The following DNAJC21 variants were observed in gnomAD, a reference collection of about 807,000 sequenced individuals.
DNAJC21 encodes the protein dnaJ homolog subfamily C member 21.
A neutral mutation model predicts 72.4 loss-of-function variants in DNAJC21; 63 were observed. That is an observed-to-expected ratio of 0.87 (90% CI 0.71 to 1.07). The LOEUF is 1.07. DNAJC21 is among the 50% of genes least tolerant of loss of function. The pLI is 0.00. For missense variants in DNAJC21, 634 were observed against 644.8 expected, an observed-to-expected ratio of 0.98 and a Z score of 0.18; for synonymous variants, 203 against 216.7, an observed-to-expected ratio of 0.94 and a Z score of 0.56.
chr5:34,951,757 C>G (rs976728400), intron 10 of DNAJC21: 12 of 964,226 alleles, frequency 1.2e-5, no homozygotes, highest in Admixed American at 6.2e-5. Flanking sequence ...AACTCCTGAC[C>G]TCATGATCTG....
chr5:34,931,948 A>G (rs1764611108), intron 1 of DNAJC21, among the ~76,000 whole-genome samples: 1 of 152,234 alleles, frequency 6.6e-6, no homozygotes. Context: ...GAATGCAAAT[A>G]TCTTCTCTAA....
intron 7 of DNAJC21, among the ~76,000 whole-genome samples, chr5:34,943,189 G>A (rs956688103): frequency 6.6e-6 from 1 of 151,986 alleles, no homozygotes; most frequent in Non-Finnish European, 1.5e-5. Context: ...TTCCAATTTT[G>A]CCAATCAATT....
rs992747149 is a variant in DNAJC21, at chr5:34,956,003, A to G, written c.*1289A>G. 1 of 141,208 alleles carries G rather than the reference A, an allele frequency of 7.1e-6. No homozygotes were observed. The highest frequency in any genetic ancestry group is 2.6e-5 in the African/African-American group (1 of 38,074). The allele number at this position is 141,208 out of a possible 1,614,324, so 8.7% of individuals were successfully genotyped here. A position where few individuals can be genotyped will look rare whatever the true frequency, so the allele number is the denominator to read the frequency against. Reference sequence around the variant, plus strand: ...GGGAGGCGGAGCTTGCAGTGAGCCGAGATCCCGCCACTGCACTCCAGCCTG... The same window carrying G: ...GGGAGGCGGAGCTTGCAGTGAGCCGGGATCCCGCCACTGCACTCCAGCCTG... On this transcript the variant is annotated 3_prime_UTR_variant, in exon 12 of 12. Transcript: ENST00000648817.
intron 7 of DNAJC21, 59 bp downstream of exon 7, chr5:34,941,242 G>C (rs1764979511): frequency 6.7e-7 from 1 of 1,485,684 alleles, no homozygotes; most frequent in South Asian, 1.2e-5. Flanking sequence ...CTGTCACCAA[G>C]GCAGGAGTGC....
chr5:34,933,686 C>G (rs1437961551), intron 1 of DNAJC21, 129 bp from the exon 2 acceptor site: 2 of 610,468 alleles, frequency 3.3e-6, no homozygotes, highest in Non-Finnish European at 5.6e-6. Context: ...TGGAGTCTTT[C>G]TGCTTGGCCC....
chr5:34,939,556 C>T (rs576456878), intron 6 of DNAJC21, among the ~76,000 whole-genome samples: 4 of 152,346 alleles, frequency 2.6e-5, no homozygotes, highest in Admixed American at 1.3e-4. Flanking sequence ...TGAGCCACCG[C>T]GCCCGGCCAA....
At position 34,954,550 on chromosome 5, in the gene DNAJC21, C is replaced by T. The variant is rs976465614; in HGVS notation, c.1435-3C>T. 1.9e-6 allele frequency: 3 copies of T among 1,597,908 alleles called. No homozygotes were observed. The highest frequency in any genetic ancestry group is 1.8e-5 in the Admixed American group (1 of 55,772). On this transcript the variant is annotated splice_polypyrimidine_tract_variant and splice_region_variant and intron_variant, in intron 11 of 11. Coordinates refer to ENST00000648817, the MANE Select transcript of DNAJC21 (RefSeq NM_001012339.3). ...TTTATTTATGATTTTTTGCCCTTCT[C>T]AGAGTGTTCTTATCAGCTGTACAAC...
chr5:34,948,089 A>G (rs1452072456), intron 9 of DNAJC21, among the ~76,000 whole-genome samples: 1 of 152,206 alleles, frequency 6.6e-6, no homozygotes, highest in Non-Finnish European at 1.5e-5. Flanking sequence ...GCTGGGAACC[A>G]TATTCTTTTT....
chr5:34,935,642 G>A (rs997926925), intron 2 of DNAJC21, 68 bp from the exon 3 acceptor site: 5 of 1,585,792 alleles, frequency 3.2e-6, no homozygotes, highest in Non-Finnish European at 2.6e-6. Flanking sequence ...ATATTCAAAA[G>A]GAGCAAGAAA....
chr5:34,933,748 G>GA, intron 1 of DNAJC21, 67 bp from the exon 2 acceptor site: 1 of 1,344,816 alleles, frequency 7.4e-7, no homozygotes, highest in Non-Finnish European at 1.0e-6. Flanking sequence ...ATTTCTGATG[G>GA]AAAATGTCTT....
Position 34,954,772 on chromosome 5 carries a change from C to T in DNAJC21, c.*58C>T. On this transcript the variant is annotated 3_prime_UTR_variant, in exon 12 of 12. Coordinates refer to ENST00000648817, the MANE Select transcript of DNAJC21 (RefSeq NM_001012339.3). ...TAGATTTTGAAACCAAAAAACTGAA[C>T]TGAAATCATCTAAAGAGTTAAAATT... 1 of 1,455,896 alleles carries T rather than the reference C, an allele frequency of 6.9e-7. No individual in the cohort carries two copies. Among genetic ancestry groups the T allele is most frequent in the East Asian group, 2.5e-5 (1 of 40,204 alleles). 90.2% of individuals were successfully genotyped at this position (1,455,896 alleles called of 1,614,324 possible).
chr5:34,952,375 G>A (rs1393013099), intron 10 of DNAJC21: 2 of 491,514 alleles, frequency 4.1e-6, no homozygotes, highest in Non-Finnish European at 5.3e-6. Context: ...TACACAATAT[G>A]TTACACTCCT....
intron 9 of DNAJC21, among the ~76,000 whole-genome samples, chr5:34,946,390 C>T (rs1327656761): frequency 6.6e-6 from 1 of 151,988 alleles, no homozygotes; most frequent in African/African-American, 2.4e-5. Context: ...GTGAATTTGT[C>T]CATTTTACCA....
At position 34,954,729 on chromosome 5, in the gene DNAJC21, C is replaced by G; in HGVS notation, c.*15C>G. On this transcript the variant is annotated 3_prime_UTR_variant, in exon 12 of 12. Transcript: ENST00000648817. Reference sequence around the variant, plus strand: ...AAAACAGATAGAGATTCTGCCTGTGCTTTTGTTTGACTGTCTCTAGATTTT... The same window carrying G: ...AAAACAGATAGAGATTCTGCCTGTGGTTTTGTTTGACTGTCTCTAGATTTT... The G allele has an allele frequency of 6.4e-7, 1 of 1,554,226 alleles. No homozygotes were observed. Among genetic ancestry groups the G allele is most frequent in the South Asian group, 1.2e-5 (1 of 81,292 alleles).
At chr5:34,951,463 G>T in intron 10 of DNAJC21, 1 of 985,454 alleles carries the variant, frequency 1.0e-6, no homozygotes, top group Non-Finnish European at 1.2e-6. Flanking sequence ...AGTGGGCCAG[G>T]AGGTGGGGCT....
rs139629564 is a variant in DNAJC21 at position 34,936,198 on chromosome 5, G to C, written c.370G>C (p.Glu124Gln). Residue 124 changes from glutamate (E) to glutamine (Q), a missense_variant, in exon 4 of 12, where the codon GAA (glutamate) becomes CAA (glutamine). Physicochemically the swap from Glu to Gln is conservative, Grantham distance 29 (BLOSUM62 2). Coordinates refer to ENST00000648817, the MANE Select transcript of DNAJC21 (RefSeq NM_001012339.3). ...TGAAATGATTGCCAAGGAAGAACTA[G>C]AATCTGTGTTAGAGGAAGAGGTTGA... ...VFEMIAKEEL[E>Q]SVLEEEVDDF... 953 of 1,614,100 alleles carry C rather than the reference G, an allele frequency of 5.9e-4. 2 individuals carry two copies. Among genetic ancestry groups the C allele is most frequent in the Non-Finnish European group, 6.1e-4 (725 of 1,179,990 alleles).
intron 2 of DNAJC21, among the ~76,000 whole-genome samples, chr5:34,935,270 A>G (rs961218932): frequency 2.6e-5 from 4 of 152,192 alleles, no homozygotes; most frequent in Admixed American, 6.5e-5. Flanking sequence ...ATGAGAAGCA[A>G]TTGTGTGTGT....
chr5:34,949,585 C>G, intron 9 of DNAJC21: 3 of 1,576,196 alleles, frequency 1.9e-6, no homozygotes, highest in South Asian at 2.3e-5. Context: ...AGCTCACTTT[C>G]AGATGGCTTG....
intron 1 of DNAJC21, among the ~76,000 whole-genome samples, chr5:34,930,721 A>G (rs1764562701): frequency 6.6e-6 from 1 of 152,234 alleles, no homozygotes; most frequent in East Asian, 1.9e-4. Context: ...AGCATTCATC[A>G]GTAAACACGG....
Sources: gnomAD v4.1 joint callset for allele counts (sites outside exome capture counted in the v4.1 genomes callset) on GRCh38, gnomAD v4.1.1 for gene constraint, MANE v1.5 for transcripts, NCBI Gene and HGNC (gene_info 2026-07-23, HGNC 2026-07-21) for gene names.